The following PI4K2B variants were observed in gnomAD, a reference collection of about 807,000 sequenced individuals.
PI4K2B encodes phosphatidylinositol 4-kinase type 2-beta.
A neutral mutation model predicts 56.6 loss-of-function variants in PI4K2B; 46 were observed. The ratio of observed to expected loss-of-function variants is 0.81; its 90% CI spans 0.64 to 1.04. PI4K2B has a LOEUF of 1.04. Ranked by LOEUF, PI4K2B falls within the 50% of genes least tolerant of loss-of-function variation. The pLI is 0.00. For synonymous variants in PI4K2B, 211 were observed against 223.8 expected, an observed-to-expected ratio of 0.94 and a Z score of 0.51; for missense variants, 556 against 607.7, an observed-to-expected ratio of 0.91 and a Z score of 0.89.
Position 25,277,287 on chromosome 4 carries a change from C to T in PI4K2B, c.*100C>T. The T allele has an allele frequency of 7.4e-7, 1 of 1,353,584 alleles. No individual in the cohort carries two copies. The highest frequency in any genetic ancestry group is 1.4e-5 in the African/African-American group (1 of 69,720). 83.8% of individuals were successfully genotyped at this position (1,353,584 alleles called of 1,614,324 possible). A position where few individuals can be genotyped will look rare whatever the true frequency, so the allele number is the denominator to read the frequency against. On this transcript the variant is annotated 3_prime_UTR_variant, in exon 10 of 10. Coordinates refer to ENST00000264864, the MANE Select transcript of PI4K2B (RefSeq NM_018323.4). ...TGTTAGGAGCTCCAGTTGCTAAAAC[C>T]TCAATTTAAGTCTTTAAAAGGTTGT...
intron 9 of PI4K2B, among the ~76,000 whole-genome samples, chr4:25,276,149 T>C (rs1359587386): frequency 6.6e-6 from 1 of 152,272 alleles, no homozygotes; most frequent in Non-Finnish European, 1.5e-5. Context: ...TTCTAAAATA[T>C]ACAAGAAAGG....
At chr4:25,265,641 C>G (rs902815756) in intron 7 of PI4K2B, among the ~76,000 whole-genome samples, 1 of 152,120 alleles carries the variant, frequency 6.6e-6, no homozygotes, top group African/African-American at 2.4e-5. Flanking sequence ...AAAATTTCTA[C>G]GTCAGCTTAT....
At position 25,268,435 on chromosome 4, in the gene PI4K2B, T is replaced by C; in HGVS notation, c.1079-8T>C. 2 of 1,598,680 alleles carry C rather than the reference T, an allele frequency of 1.3e-6. No individual in the cohort carries two copies. The highest frequency in any genetic ancestry group is 4.5e-5 in the East Asian group (2 of 44,658). ...ACCACTGATTAGGAGAATGCTTTTT[T>C]CTATTAGATCCATTTCACTGGGCTT... On this transcript the variant is annotated splice_region_variant and splice_polypyrimidine_tract_variant and intron_variant, in intron 7 of 9. Transcript: ENST00000264864.
rs369001646 is a variant in PI4K2B, at chr4:25,256,683, C to T, written c.756+9C>T. 1.9e-6 allele frequency: 3 copies of T among 1,612,124 alleles called. No homozygotes were observed. The highest frequency in any genetic ancestry group is 4.5e-5 in the East Asian group (2 of 44,800). On this transcript the variant is annotated intron_variant, in intron 4 of 9. Coordinates refer to ENST00000264864, the MANE Select transcript of PI4K2B (RefSeq NM_018323.4). ...TAGGACTCCCTCCTAAGGTAAGTTT[C>T]TCTGATAAGCTGTATTTAGAGGGCA... is the stretch of plus-strand genomic sequence containing the variant.
chr4:25,239,025 A>T (rs972982795), intron 1 of PI4K2B, among the ~76,000 whole-genome samples: 15 of 152,302 alleles, frequency 9.8e-5, no homozygotes, highest in South Asian at 2.1e-4. Flanking sequence ...AAGTTCTCCA[A>T]GTCCCCACTA....
chr4:25,252,837 ACTC>A (rs1716116182), intron 2 of PI4K2B, among the ~76,000 whole-genome samples: 1 of 150,914 alleles, frequency 6.6e-6, no homozygotes, highest in Admixed American at 6.6e-5. Flanking sequence ...CTGGTCTTGA[ACTC>A]CTGGGCTCAA....
intron 5 of PI4K2B, 30 bp downstream of exon 5, chr4:25,259,220 A>C (rs781452525): frequency 1.4e-6 from 2 of 1,399,430 alleles, no homozygotes; most frequent in Non-Finnish European, 2.0e-6. Flanking sequence ...TGTTCACGTA[A>C]ATCTTGTTCA....
chr4:25,275,145 G>T (rs1462519969), intron 9 of PI4K2B, among the ~76,000 whole-genome samples: 2 of 152,122 alleles, frequency 1.3e-5, no homozygotes, highest in African/African-American at 4.8e-5. Context: ...GTCACATACT[G>T]TTCTTAGAGT....
chr4:25,234,310 G>A lies in PI4K2B; in HGVS notation c.147G>A (p.Leu49=), dbSNP rs1231146246. 2 of 1,418,646 alleles carry A rather than the reference G, an allele frequency of 1.4e-6. No individual in the cohort carries two copies. Among genetic ancestry groups the A allele is most frequent in the Admixed American group, 2.6e-5 (1 of 37,794 alleles). The allele number at this position is 1,418,646 out of a possible 1,614,324, so 87.9% of individuals were successfully genotyped here. Residue 49 remains leucine (L), a synonymous_variant, in exon 1 of 10, where the codon CTG becomes CTA. Coordinates refer to ENST00000264864, the MANE Select transcript of PI4K2B (RefSeq NM_018323.4). Reference sequence around the variant, plus strand: ...GCGCCCCAGGCAGCGCCGTGAGGCTGCTGGACGCTGCCGGGGAGGAGGGCG... The same window carrying A: ...GCGCCCCAGGCAGCGCCGTGAGGCTACTGGACGCTGCCGGGGAGGAGGGCG... ...RRGAPGSAVR[L]LDAAGEEGEA...
chr4:25,262,229 T>C (rs1716505576), intron 6 of PI4K2B, among the ~76,000 whole-genome samples: 1 of 152,130 alleles, frequency 6.6e-6, no homozygotes, highest in Non-Finnish European at 1.5e-5. Flanking sequence ...TGGTCCCAGC[T>C]ATTCGGGAGG....
rs1201447533 is a variant in PI4K2B, at chr4:25,234,175, C to T, written c.12C>T (p.Pro4=). MED[P]SEPDRLASAD... ...AGCAGAGGGAGTCCATGGAGGATCC[C>T]TCCGAGCCCGACCGGTTGGCGTCCG... Residue 4 remains proline, a synonymous_variant, in exon 1 of 10, where the codon CCC becomes CCT. Transcript: ENST00000264864. 1.4e-6 allele frequency: 2 copies of T among 1,398,200 alleles called. No individual in the cohort carries two copies. The highest frequency in any genetic ancestry group is 9.3e-7 in the Non-Finnish European group (1 of 1,075,328). 86.6% of individuals were successfully genotyped at this position (1,398,200 alleles called of 1,614,324 possible).
At chr4:25,241,392 T>C (rs185754551) in intron 1 of PI4K2B, among the ~76,000 whole-genome samples, 1 of 152,330 alleles carries the variant, frequency 6.6e-6, no homozygotes, top group East Asian at 1.9e-4. Context: ...CAGGATTAGT[T>C]AAGGGGACTT....
intron 5 of PI4K2B, 134 bp downstream of exon 5, chr4:25,259,324 A>G (rs764330331): frequency 8.5e-5 from 53 of 627,124 alleles, no homozygotes; most frequent in East Asian, 1.6e-4. Flanking sequence ...TGGCAAACAG[A>G]TGTAGTATTG....
Position 25,268,522 on chromosome 4 carries a change from T to A in PI4K2B, c.1158T>A (p.Ile386=), listed in dbSNP as rs1173072469. Residue 386 remains isoleucine, a synonymous_variant, in exon 8 of 10, where the codon ATT becomes ATA. Coordinates refer to ENST00000264864, the MANE Select transcript of PI4K2B (RefSeq NM_018323.4). The stretch of plus-strand genomic sequence containing the variant: ...TAAGAAATTTGATTCTACCATATAT[T>A]TCTGACATGAACTTTGTGCAAGATT... ...EEIRNLILPY[I]SDMNFVQDLC... 6.3e-7 allele frequency: 1 copy of A among 1,599,914 alleles called. No homozygotes were observed.
chr4:25,241,693 G>A (rs1715532590), intron 1 of PI4K2B, among the ~76,000 whole-genome samples: 1 of 152,172 alleles, frequency 6.6e-6, no homozygotes, highest in Non-Finnish European at 1.5e-5. Context: ...GGCCACTGCT[G>A]CAACTACACT....
intron 7 of PI4K2B, 48 bp from the exon 8 acceptor site, chr4:25,268,395 A>C (rs1577697103): frequency 1.3e-6 from 2 of 1,517,892 alleles, no homozygotes; most frequent in East Asian, 4.5e-5. Flanking sequence ...TGTAAGTCTA[A>C]ATAAACCATT....
chr4:25,252,666 G>A (rs34951289), intron 2 of PI4K2B, among the ~76,000 whole-genome samples, 191 bp downstream of exon 2: 15,081 of 152,166 alleles, frequency 0.099, 1,040 homozygotes, highest in African/African-American at 0.2. Flanking sequence ...AGGCTGGAGT[G>A]CAGTGGTGCA....
At chr4:25,238,707 G>C (rs566246987) in intron 1 of PI4K2B, among the ~76,000 whole-genome samples, 126 of 152,286 alleles carry the variant, frequency 8.3e-4, no homozygotes, top group African/African-American at 2.9e-3. Flanking sequence ...CTGGCTTCAG[G>C]AGTGAAGCTG....
intron 9 of PI4K2B, among the ~76,000 whole-genome samples, chr4:25,275,321 T>G (rs1203034586): frequency 6.6e-6 from 1 of 152,216 alleles, no homozygotes; most frequent in African/African-American, 2.4e-5. Flanking sequence ...TAAACTCAAA[T>G]TTCATAAATT....
Sources: allele counts gnomAD v4.1 joint callset (sites outside exome capture counted in the v4.1 genomes callset), GRCh38; gene constraint gnomAD v4.1.1; transcripts MANE v1.5; gene names NCBI Gene and HGNC (gene_info 2026-07-23, HGNC 2026-07-21).